CAMK4: variants seen among roughly 807,000 people sequenced by gnomAD.
The protein encoded by CAMK4 is calcium/calmodulin-dependent protein kinase type IV.
CAMK4 carries 22 observed loss-of-function variants against 44.9 expected under a neutral mutation model. The ratio of observed to expected loss-of-function variants is 0.49; its 90% CI spans 0.35 to 0.70. CAMK4 has a LOEUF of 0.70. CAMK4 is among the 30% of genes least tolerant of loss of function. The pLI is 0.01. For synonymous variants in CAMK4, 218 were observed against 215.4 expected (o/e 1.01, Z -0.11); for missense variants, 498 against 586.8 (o/e 0.85, Z 1.56).
At chr5:111,431,977 A>G (rs1477448238) in intron 5 of CAMK4, among the ~76,000 whole-genome samples, 2 of 152,170 alleles carry the variant, frequency 1.3e-5, no homozygotes, top group African/African-American at 4.8e-5. Context: ...TTGAGCTACC[A>G]TACGATCCAG....
At chr5:111,372,672 GTGTT>G (rs1478977378) in intron 2 of CAMK4, among the ~76,000 whole-genome samples, 37 of 152,248 alleles carry the variant, frequency 2.4e-4, no homozygotes, top group African/African-American at 8.9e-4. Flanking sequence ...TTTGAGCTGC[GTGTT>G]TGTTACTTGA....
chr5:111,246,832 C>A (rs976709819), intron 1 of CAMK4, among the ~76,000 whole-genome samples: 5 of 152,236 alleles, frequency 3.3e-5, no homozygotes, highest in African/African-American at 9.6e-5. Context: ...AGGACTTTGG[C>A]AACCCCAACT....
intron 5 of CAMK4, among the ~76,000 whole-genome samples, chr5:111,439,284 G>T (rs1303942164): frequency 6.6e-6 from 1 of 152,124 alleles, no homozygotes; most frequent in African/African-American, 2.4e-5. Context: ...ACTGGAGGAG[G>T]TTAATGCTGG....
At chr5:111,267,081 T>A (rs1290061909) in intron 1 of CAMK4, among the ~76,000 whole-genome samples, 2 of 152,174 alleles carry the variant, frequency 1.3e-5, no homozygotes, top group Non-Finnish European at 2.9e-5. Flanking sequence ...AGGAGCCTCT[T>A]CAGGTTGGTC....
rs544446995 is a variant in CAMK4, at chr5:111,413,212, C to T, written c.459+18430C>T. Among the ~76,000 whole-genome samples, 15 of 152,006 alleles carry T rather than the reference C, an allele frequency of 9.9e-5. No individual in the cohort carries two copies. The East Asian group carries it at 2.1e-3, about 22-fold the overall frequency. ...AAATATTTTAATGATATATTTCAGC[C>T]AACTAATAAATAAAAATAGGATTTT... is the stretch of plus-strand genomic sequence containing the variant. On this transcript the variant is annotated intron_variant, in intron 5 of 10. Transcript: ENST00000282356.
intron 5 of CAMK4, among the ~76,000 whole-genome samples, chr5:111,431,153 C>T (rs1028888138): frequency 1.3e-5 from 2 of 151,844 alleles, no homozygotes; most frequent in African/African-American, 4.8e-5. Context: ...CTATAGTGAC[C>T]AAAACAGACA....
Position 111,224,785 on chromosome 5 carries a change from T to A in CAMK4, c.161+141T>A. ...CCTAGTTAGTGTCTTGAGAGAGAGC[T>A]AACCTTCATTCAGGTGCGGCTCGAG... On this transcript the variant is annotated intron_variant, in intron 1 of 10. Coordinates refer to ENST00000282356, the MANE Select transcript of CAMK4 (RefSeq NM_001744.6). This position sits in a 1 kb window ranked among gnomAD's most constrained non-coding sequence, Gnocchi z 5.7. The A allele has an allele frequency of 1.2e-6, 1 of 826,458 alleles. No homozygotes were observed. The highest frequency in any genetic ancestry group is 1.8e-6 in the Non-Finnish European group (1 of 548,464). The allele number at this position is 826,458 out of a possible 1,614,324, so 51.2% of individuals were successfully genotyped here.
intron 1 of CAMK4, among the ~76,000 whole-genome samples, chr5:111,281,260 C>T (rs1700130520): frequency 6.6e-6 from 1 of 152,124 alleles, no homozygotes; most frequent in South Asian, 2.1e-4. Context: ...GGGCTTTGCT[C>T]CTGGGGGCTT....
At position 111,494,257 on chromosome 5, in the gene CAMK4, A is replaced by G. The variant is rs1004723978; in HGVS notation, c.*9791A>G. On this transcript the variant is annotated 3_prime_UTR_variant, in exon 11 of 11. Coordinates refer to ENST00000282356, the MANE Select transcript of CAMK4 (RefSeq NM_001744.6). Reference sequence around the variant, plus strand: ...ATTTTAAGTTTACACAACCAAGATTATAGGCTACCTTCCCAACTTCTAATT... The same window carrying G: ...ATTTTAAGTTTACACAACCAAGATTGTAGGCTACCTTCCCAACTTCTAATT... The G allele has an allele frequency of 1.4e-4, 21 of 152,184 alleles. No homozygotes were observed. The highest frequency in any genetic ancestry group is 5.1e-4 in the African/African-American group (21 of 41,452). The allele number at this position is 152,184 out of a possible 1,614,324, so 9.4% of individuals were successfully genotyped here.
At chr5:111,243,969 T>C (rs1428200777) in intron 1 of CAMK4, among the ~76,000 whole-genome samples, 1 of 152,166 alleles carries the variant, frequency 6.6e-6, no homozygotes, top group Non-Finnish European at 1.5e-5. Context: ...TTTGTTTTTG[T>C]TTTTTTAATA....
At chr5:111,426,237 G>A (rs1405283982) in intron 5 of CAMK4, among the ~76,000 whole-genome samples, 1 of 152,056 alleles carries the variant, frequency 6.6e-6, no homozygotes, top group Non-Finnish European at 1.5e-5. Flanking sequence ...CATGTTTGTG[G>A]GCAAATGAAA....
rs540561589 is a variant in CAMK4, at chr5:111,394,810, A to C, written c.459+28A>C. On this transcript the variant is annotated intron_variant, in intron 5 of 10. Coordinates refer to ENST00000282356, the MANE Select transcript of CAMK4 (RefSeq NM_001744.6). ...AAGTATGAAGTAACAGCAATGGTGT[A>C]ACTCTTAGTCATCTCTTCCTTTTAC... 240 of 1,392,130 alleles carry C rather than the reference A, an allele frequency of 1.7e-4. 1 individual carries two copies. In the South Asian group the frequency reaches 2.7e-3, roughly 16 times the overall value. 86.2% of individuals were successfully genotyped at this position (1,392,130 alleles called of 1,614,324 possible).
At chr5:111,278,782 C>T (rs1033980230) in intron 1 of CAMK4, among the ~76,000 whole-genome samples, 2 of 152,188 alleles carry the variant, frequency 1.3e-5, no homozygotes, top group African/African-American at 4.8e-5. Flanking sequence ...GAAACCACTC[C>T]ATCCTTTGCT....
Position 111,344,161 on chromosome 5 carries a change from G to C in CAMK4, c.240+59G>C, listed in dbSNP as rs1306365755. The C allele has an allele frequency of 8.8e-6, 9 of 1,024,856 alleles. No homozygotes were observed. The Admixed American group carries it at 1.5e-4, about 17-fold the overall frequency. 63.5% of individuals were successfully genotyped at this position (1,024,856 alleles called of 1,614,324 possible). On this transcript the variant is annotated intron_variant, in intron 2 of 10. Transcript: ENST00000282356. Reference sequence around the variant, plus strand: ...GGGGCCTGTGACCTGGAGAAGGCAGGAACCTGATTTGAAGAACAAAGGGGC... The same window carrying C: ...GGGGCCTGTGACCTGGAGAAGGCAGCAACCTGATTTGAAGAACAAAGGGGC...
In CAMK4 at chr5:111,224,789, C is replaced by A; in HGVS notation, c.161+145C>A. On this transcript the variant is annotated intron_variant, in intron 1 of 10. Coordinates refer to ENST00000282356, the MANE Select transcript of CAMK4 (RefSeq NM_001744.6). The surrounding 1 kb of genome is among the most constrained non-coding windows in gnomAD (Gnocchi z 5.7). ...GTTAGTGTCTTGAGAGAGAGCTAAC[C>A]TTCATTCAGGTGCGGCTCGAGTCCT... The A allele has an allele frequency of 1.2e-6, 1 of 815,876 alleles. No individual in the cohort carries two copies. Among genetic ancestry groups the A allele is most frequent in the Non-Finnish European group, 1.8e-6 (1 of 540,718 alleles). 50.5% of individuals were successfully genotyped at this position (815,876 alleles called of 1,614,324 possible). A position where few individuals can be genotyped will look rare whatever the true frequency, so the allele number is the denominator to read the frequency against.
chr5:111,384,012 G>A (rs953472897), intron 4 of CAMK4, among the ~76,000 whole-genome samples: 1 of 152,142 alleles, frequency 6.6e-6, no homozygotes, highest in African/African-American at 2.4e-5. Flanking sequence ...AAGTGTGGTG[G>A]GTTAGAAGAC....
intron 1 of CAMK4, among the ~76,000 whole-genome samples, chr5:111,343,061 C>A (rs1749710913): frequency 6.6e-6 from 1 of 151,016 alleles, no homozygotes; most frequent in Non-Finnish European, 1.5e-5. Flanking sequence ...TTTCTTGAAC[C>A]CTTTATTACT....
chr5:111,376,106 G>A lies in CAMK4; in HGVS notation c.304-754G>A, dbSNP rs1343719771. Among the ~76,000 whole-genome samples, 5 of 151,992 alleles carry A rather than the reference G, an allele frequency of 3.3e-5. No homozygotes were observed. In the South Asian group the frequency reaches 1.0e-3, roughly 32 times the overall value. The stretch of plus-strand genomic sequence containing the variant: ...AAATCAGAGTTCTGTTTATATTAAA[G>A]TAGGGAGAAAAGGGCTTTGGGTAAG... On this transcript the variant is annotated intron_variant, in intron 3 of 10. Transcript: ENST00000282356.
intron 2 of CAMK4, among the ~76,000 whole-genome samples, chr5:111,350,043 TTGTGGTC>T (rs1750027885): frequency 6.6e-6 from 1 of 152,042 alleles, no homozygotes. Flanking sequence ...TGGGGTGATG[TTGTGGTC>T]TGTGGTGCCA....
Sources: allele counts gnomAD v4.1 joint callset (sites outside exome capture counted in the v4.1 genomes callset), GRCh38; gene constraint gnomAD v4.1.1; non-coding constraint Gnocchi (gnomAD v3.1); transcripts MANE v1.5; gene names NCBI Gene and HGNC (gene_info 2026-07-23, HGNC 2026-07-21).